The following OR14A2 variants were observed in gnomAD, a reference collection of about 807,000 sequenced individuals.
The protein encoded by OR14A2 is olfactory receptor family 14 subfamily A member 2.
For missense variants in OR14A2, 237 were observed against 152.9 expected, an observed-to-expected ratio of 1.55 and a Z score of -2.90; for synonymous variants, 114 against 58.6, an observed-to-expected ratio of 1.95 and a Z score of -4.32.
the OR14A2 span, among the ~76,000 whole-genome samples, chr1:247,732,268 C>G: frequency 6.6e-6 from 1 of 152,054 alleles, no homozygotes; most frequent in Non-Finnish European, 1.5e-5. Flanking sequence ...GGATCTATCT[C>G]TATCCATTTT....
At chr1:247,746,457 A>AT in the OR14A2 span, 3 of 152,206 alleles carry the variant, frequency 2.0e-5, no homozygotes, top group Admixed American at 1.3e-4. Flanking sequence ...ATGGAGAAGG[A>AT]TTACTGTATC....
At chr1:247,727,677 A>G (rs1039823937), upstream of OR14A2, among the ~76,000 whole-genome samples, 1 of 148,170 alleles carries the variant, frequency 6.7e-6, no homozygotes, top group Non-Finnish European at 1.5e-5. Flanking sequence ...GACCGCTAGC[A>G]AGACTAATAA....
At chr1:247,733,460 G>C in the OR14A2 span, among the ~76,000 whole-genome samples, 35 of 152,040 alleles carry the variant, frequency 2.3e-4, no homozygotes, top group Non-Finnish European at 4.6e-4. Context: ...TGAAACTTAA[G>C]GAAAGACATT....
At chr1:247,736,151 C>G in the OR14A2 span, among the ~76,000 whole-genome samples, 7 of 142,098 alleles carry the variant, frequency 4.9e-5, no homozygotes, top group African/African-American at 1.5e-4. Flanking sequence ...CCATATAGGC[C>G]TCCCCTCCCC....
chr1:247,731,769 CAT>C, the OR14A2 span, among the ~76,000 whole-genome samples: 1 of 151,976 alleles, frequency 6.6e-6, no homozygotes. Flanking sequence ...GTATTGAAAA[CAT>C]ATTTTTTTTT....
the OR14A2 span, among the ~76,000 whole-genome samples, chr1:247,747,816 C>T: frequency 2.0e-5 from 3 of 152,114 alleles, no homozygotes; most frequent in South Asian, 2.1e-4. Context: ...TTTTAAGTCT[C>T]GAGACTAGAA....
chr1:247,739,900 G>A, the OR14A2 span, among the ~76,000 whole-genome samples: 2 of 151,964 alleles, frequency 1.3e-5, no homozygotes, highest in Non-Finnish European at 2.9e-5. Flanking sequence ...TAGTAGAGAC[G>A]GAGTTCCACC....
the OR14A2 span, among the ~76,000 whole-genome samples, chr1:247,744,323 G>A: frequency 6.6e-6 from 1 of 152,082 alleles, no homozygotes. The surrounding 1 kb of genome is among the most constrained non-coding windows in gnomAD (Gnocchi z 4.3). Flanking sequence ...TTACTCTAAT[G>A]TAATCACGTT....
chr1:247,747,858 T>C, the OR14A2 span, among the ~76,000 whole-genome samples: 3 of 152,170 alleles, frequency 2.0e-5, no homozygotes, highest in Non-Finnish European at 4.4e-5. Context: ...AAGATTTCAT[T>C]TGTAGTACTT....
At chr1:247,739,641 G>A in the OR14A2 span, 5 of 632,482 alleles carry the variant, frequency 7.9e-6, no homozygotes, top group South Asian at 9.8e-5. Context: ...CTCTATTTTG[G>A]GATAAAAATG....
chr1:247,747,583 C>T, the OR14A2 span, among the ~76,000 whole-genome samples: 4 of 152,022 alleles, frequency 2.6e-5, no homozygotes, highest in South Asian at 2.1e-4. Context: ...AGGATGGTCT[C>T]GATCTCCTGA....
chr1:247,729,790 A>G, the OR14A2 span, among the ~76,000 whole-genome samples: 11 of 151,356 alleles, frequency 7.3e-5, no homozygotes, highest in African/African-American at 2.7e-4. Context: ...TTTCCACCCC[A>G]TTGCTCGAGA....
chr1:247,739,667 AC>A, the OR14A2 span: 3 of 613,252 alleles, frequency 4.9e-6, no homozygotes, highest in Non-Finnish European at 8.8e-6. Flanking sequence ...GAGTCTTGCT[AC>A]TGATAATCTC....
chr1:247,740,252 G>C, the OR14A2 span, among the ~76,000 whole-genome samples: 4 of 152,014 alleles, frequency 2.6e-5, no homozygotes. Context: ...TATTGTCCTA[G>C]ATTTTGCATT....
At chr1:247,731,656 T>C in the OR14A2 span, among the ~76,000 whole-genome samples, 3 of 152,278 alleles carry the variant, frequency 2.0e-5, no homozygotes, top group East Asian at 5.8e-4. Flanking sequence ...AAAATTTTAA[T>C]TTCAGAAATA....
At chr1:247,728,213 A>C (rs1402779222), upstream of OR14A2, among the ~76,000 whole-genome samples, 1 of 152,186 alleles carries the variant, frequency 6.6e-6, no homozygotes, top group Non-Finnish European at 1.5e-5. Flanking sequence ...CACATCAAAA[A>C]GCTTATCCAC....
the OR14A2 span, among the ~76,000 whole-genome samples, chr1:247,737,240 G>T: frequency 1.3e-5 from 2 of 152,274 alleles, no homozygotes; most frequent in East Asian, 3.9e-4. Context: ...GGCTGTGTGT[G>T]TGTGCATATG....
the OR14A2 span, among the ~76,000 whole-genome samples, chr1:247,742,738 A>G: frequency 6.6e-6 from 1 of 152,250 alleles, no homozygotes; most frequent in Non-Finnish European, 1.5e-5. Context: ...GGAAACTAAT[A>G]TGTGGAAATA....
At chr1:247,739,408 C>T in the OR14A2 span, 5 of 780,756 alleles carry the variant, frequency 6.4e-6, no homozygotes, top group South Asian at 4.0e-5. Flanking sequence ...TCTGATGCAC[C>T]TTCTATTCTA....
Sources: allele counts gnomAD v4.1 joint callset (sites outside exome capture counted in the v4.1 genomes callset), GRCh38; gene constraint gnomAD v4.1.1; non-coding constraint Gnocchi (gnomAD v3.1); transcripts MANE v1.5; gene names NCBI Gene and HGNC (gene_info 2026-07-23, HGNC 2026-07-21).